EPS8: variants seen among roughly 807,000 people sequenced by gnomAD.
EPS8 encodes EGFR pathway substrate 8, signaling adaptor, also known as epidermal growth factor receptor kinase substrate 8.
A neutral mutation model predicts 103.8 loss-of-function variants in EPS8; 42 were observed. The ratio of observed to expected loss-of-function variants is 0.40; its 90% confidence interval spans 0.32 to 0.52. EPS8 has a LOEUF of 0.52. Ranked by LOEUF, EPS8 falls within the 20% of genes least tolerant of loss-of-function variation. The pLI is 0.40. For missense variants in EPS8, 969 were observed against 1,005.1 expected (o/e 0.96, Z 0.49); for synonymous variants, 344 against 344.6 (o/e 1.00, Z 0.02).
At chr12:15,666,594 A>G in intron 6 of EPS8, 72 bp from the exon 7 acceptor site, 1 of 1,077,730 alleles carries the variant, frequency 9.3e-7, no homozygotes, top group Non-Finnish European at 1.4e-6. Flanking sequence ...TAAAACAGAA[A>G]AAGGGATTGT....
chr12:15,785,682 A>G lies in EPS8; in HGVS notation c.-22+3479T>C, dbSNP rs1947303956. 6.6e-6 allele frequency among the ~76,000 whole-genome samples: 1 copy of G among 152,074 alleles called. No individual in the cohort carries two copies. Among genetic ancestry groups the G allele is most frequent in the South Asian group, 2.1e-4 (1 of 4,832 alleles). ...CACCCAGATCTTGGTTTCTAACACC[A>G]TTCCCCAACAAAATGATCCAGATTC... On this transcript the variant is annotated intron_variant, in intron 1 of 20. Coordinates refer to ENST00000281172, the MANE Select transcript of EPS8 (RefSeq NM_004447.6). The surrounding 1 kb of genome is among the most constrained non-coding windows in gnomAD (Gnocchi z 4.9).
rs1380128611 is a variant in EPS8, at chr12:15,725,603, A to G, written c.-21-42631T>C. The stretch of plus-strand genomic sequence containing the variant: ...AAAAATTCTAAAATACGGTGACACA[A>G]TGGGTCTTCATCATATGGTGATTCA... On this transcript the variant is annotated intron_variant, in intron 1 of 20. Coordinates refer to ENST00000281172, the MANE Select transcript of EPS8 (RefSeq NM_004447.6). This position sits in a 1 kb window ranked among gnomAD's most constrained non-coding sequence, Gnocchi z 4.5. Among the ~76,000 whole-genome samples, 4 of 152,188 alleles carry G rather than the reference A, an allele frequency of 2.6e-5. No individual in the cohort carries two copies. Among genetic ancestry groups the G allele is most frequent in the African/African-American group, 7.2e-5 (3 of 41,444 alleles).
chr12:15,637,892 G>A (rs141189666), intron 17 of EPS8, among the ~76,000 whole-genome samples: 7 of 152,238 alleles, frequency 4.6e-5, no homozygotes, highest in Non-Finnish European at 2.9e-5. Flanking sequence ...GGATCTGCTC[G>A]GCGCTAGGCT....
chr12:15,654,290 C>T lies in EPS8; in HGVS notation c.1105G>A (p.Val369Met), dbSNP rs1330706384. Residue 369 changes from valine to methionine, a missense_variant, in exon 13 of 21, where the codon GTG becomes ATG. By Grantham distance (21) the Val-to-Met change is conservative. Transcript: ENST00000281172. ...AGTTCAGGACCTCCTGTTGCCTGCA[C>T]CACCTAAGATAATAAACCATTTTTT... The part of the protein sequence containing the change: ...HFLFTPLNMV[V>M]QATGGPELAS... The T allele has an allele frequency of 1.2e-6, 2 of 1,612,870 alleles. No individual in the cohort carries two copies. The highest frequency in any genetic ancestry group is 1.7e-6 in the Non-Finnish European group (2 of 1,179,432).
In EPS8 at chr12:15,640,827, T is replaced by C; in HGVS notation, c.1697A>G (p.Gln566Arg). 1 of 1,613,826 alleles carries C rather than the reference T, an allele frequency of 6.2e-7. No homozygotes were observed. Among genetic ancestry groups the C allele is most frequent in the South Asian group, 1.1e-5 (1 of 91,062 alleles). Residue 566 changes from glutamine to arginine, a missense_variant, in exon 17 of 21, where the codon CAA becomes CGA. Physicochemically the swap from Gln to Arg is conservative, Grantham distance 43. Transcript: ENST00000281172. ...ACTTGCATTTCGAACTTTCCACCAT[T>C]GCTTCCGATCATCAAGTATCTGTCA... ...DILEILDDRKQWWKVRNASGD... is the reference protein window; with the variant it reads ...DILEILDDRKRWWKVRNASGD...
intron 20 of EPS8, among the ~76,000 whole-genome samples, chr12:15,622,532 G>T (rs1347517537): frequency 1.3e-5 from 2 of 152,126 alleles, no homozygotes. Flanking sequence ...AGATGTAACA[G>T]TTGGAAACTA....
Position 15,727,242 on chromosome 12 carries a change from T to C in EPS8, c.-21-44270A>G, listed in dbSNP as rs560733636. 2.0e-4 allele frequency among the ~76,000 whole-genome samples: 30 copies of C among 152,338 alleles called. No homozygotes were observed. Among genetic ancestry groups the C allele is most frequent in the Admixed American group, 1.2e-3 (19 of 15,304 alleles). On this transcript the variant is annotated intron_variant, in intron 1 of 20. Coordinates refer to ENST00000281172, the MANE Select transcript of EPS8 (RefSeq NM_004447.6). The surrounding 1 kb of genome is among the most constrained non-coding windows in gnomAD (Gnocchi z 4.3). Reference sequence around the variant, plus strand: ...CTCGTGGATTTAATATCTACCTTTATACGTAGGACTTTACACAACTGGGTT... The same window carrying C: ...CTCGTGGATTTAATATCTACCTTTACACGTAGGACTTTACACAACTGGGTT...
chr12:15,678,789 C>T (rs1945952748), intron 3 of EPS8, among the ~76,000 whole-genome samples: 1 of 151,740 alleles, frequency 6.6e-6, no homozygotes, highest in South Asian at 2.1e-4. Context: ...TGGCATGCAC[C>T]TATAGTCCCT....
intron 1 of EPS8, among the ~76,000 whole-genome samples, chr12:15,756,629 C>T (rs1024364157): frequency 7.2e-5 from 11 of 152,124 alleles, no homozygotes; most frequent in African/African-American, 2.7e-4. Flanking sequence ...TAGCATACTT[C>T]GTTAATACAT....
chr12:15,658,108 C>A lies in EPS8; in HGVS notation c.1072G>T (p.Val358Phe), dbSNP rs201061069. Residue 358 changes from valine (V) to phenylalanine (F), a missense_variant, in exon 12 of 21, where the codon GTT (valine) becomes TTT (phenylalanine). Transcript: ENST00000281172. ...TTTAATGGAGTAAACAAAAAGTGAACCAAATCTGCAGCACTAGGATTCTGA... is the reference window on the plus strand; with the variant it reads ...TTTAATGGAGTAAACAAAAAGTGAAACAAATCTGCAGCACTAGGATTCTGA... ...HIQNPSAADL[V>F]HFLFTPLNMV... 7 of 1,610,066 alleles carry A rather than the reference C, an allele frequency of 4.3e-6. No individual in the cohort carries two copies. Among genetic ancestry groups the A allele is most frequent in the Non-Finnish European group, 5.9e-6 (7 of 1,177,276 alleles).
At position 15,747,830 on chromosome 12, in the gene EPS8, C is replaced by T. The variant is rs148356223; in HGVS notation, c.-22+41331G>A. Among the ~76,000 whole-genome samples the T allele has an allele frequency of 0.042, 6,356 of 152,158 alleles. 455 individuals carry two copies. The highest frequency in any genetic ancestry group is 0.15 in the African/African-American group (6,034 of 41,470). ...GGTCAGGAGATCGAGACCATCCTGG[C>T]TAACACGGTGAAACCCCGTCTCTAC... On this transcript the variant is annotated intron_variant, in intron 1 of 20. Transcript: ENST00000281172. The surrounding 1 kb of genome is among the most constrained non-coding windows in gnomAD (Gnocchi z 4.4).
rs760706719 is a variant in EPS8 at position 15,669,525 on chromosome 12, C to T, written c.378G>A (p.Glu126=). 6.3e-7 allele frequency: 1 copy of T among 1,599,424 alleles called. No homozygotes were observed. Among genetic ancestry groups the T allele is most frequent in the Non-Finnish European group, 8.5e-7 (1 of 1,173,610 alleles). ...GCTGGATTGTGTTTAAAGGAAAATT[C>T]TCCAGTTCATTCTATAAATAAAGTG... The part of the protein sequence containing the change: ...LIDLESKNEL[E]NFPLNTIQHC... Residue 126 remains glutamate, a synonymous_variant, in exon 6 of 21, where the codon GAG becomes GAA. Coordinates refer to ENST00000281172, the MANE Select transcript of EPS8 (RefSeq NM_004447.6).
intron 13 of EPS8, among the ~76,000 whole-genome samples, chr12:15,652,236 T>A (rs1591821531): frequency 6.6e-6 from 1 of 152,136 alleles, no homozygotes; most frequent in East Asian, 1.9e-4. Flanking sequence ...GCTAAAAAAC[T>A]GGATTTCATG....
In EPS8 at chr12:15,764,568, C is replaced by A. The variant is rs1270300414; in HGVS notation, c.-22+24593G>T. On this transcript the variant is annotated intron_variant, in intron 1 of 20. Coordinates refer to ENST00000281172, the MANE Select transcript of EPS8 (RefSeq NM_004447.6). The surrounding 1 kb of genome is among the most constrained non-coding windows in gnomAD (Gnocchi z 4.1). ...TTCTCTCTCTAAATCTATGACTATA[C>A]AACCTAAAGATTTTATTTTCAGGGC... Among the ~76,000 whole-genome samples, 2 of 152,180 alleles carry A rather than the reference C, an allele frequency of 1.3e-5. No homozygotes were observed. Among genetic ancestry groups the A allele is most frequent in the African/African-American group, 4.8e-5 (2 of 41,440 alleles).
At chr12:15,665,079 A>T (rs923388773) in intron 8 of EPS8, 1 of 152,280 alleles carries the variant, frequency 6.6e-6, no homozygotes, top group African/African-American at 2.4e-5. Flanking sequence ...CTTTCCATGA[A>T]TATGACAAAC....
Position 15,669,816 on chromosome 12 carries a change from T to C in EPS8, c.214A>G (p.Thr72Ala). The C allele has an allele frequency of 6.3e-7, 1 of 1,597,790 alleles. No homozygotes were observed. Among genetic ancestry groups the C allele is most frequent in the Admixed American group, 1.8e-5 (1 of 55,838 alleles). ...GCATCTTTCCGATCCAGGACAAAGG[T>C]AGTCAAGTGCTTACAATTGGCAAAA... Reference protein sequence around the residue: ...ISQYRVEHLTTFVLDRKDAMI... With the variant: ...ISQYRVEHLTAFVLDRKDAMI... The change falls in exon 5 of 21, where the codon ACC becomes GCC. Residue 72 changes from threonine (T) to alanine (A), a missense_variant. Physicochemically the swap from Thr to Ala is moderately conservative, Grantham distance 58. Transcript: ENST00000281172.
chr12:15,741,130 A>G (rs1256984322), intron 1 of EPS8, among the ~76,000 whole-genome samples: 1 of 152,256 alleles, frequency 6.6e-6, no homozygotes, highest in Non-Finnish European at 1.5e-5. Context: ...GTACAGCTGC[A>G]TAGAGTCGTG....
intron 6 of EPS8, among the ~76,000 whole-genome samples, chr12:15,667,380 A>T (rs1353082084): frequency 6.6e-6 from 1 of 152,190 alleles, no homozygotes; most frequent in Non-Finnish European, 1.5e-5. Context: ...GGGCCTGGCC[A>T]AGGTCACATT....
chr12:15,632,102 A>C (rs981287879), intron 17 of EPS8, among the ~76,000 whole-genome samples: 5 of 152,182 alleles, frequency 3.3e-5, no homozygotes, highest in Non-Finnish European at 7.4e-5. Flanking sequence ...AAAGATTTTT[A>C]ATTTTGTTTC....
Sources: gnomAD v4.1 joint callset for allele counts (sites outside exome capture counted in the v4.1 genomes callset) on GRCh38, gnomAD v4.1.1 for gene constraint, Gnocchi (gnomAD v3.1) non-coding constraint, MANE v1.5 for transcripts, NCBI Gene and HGNC (gene_info 2026-07-23, HGNC 2026-07-21) for gene names.